The following PDCD4 variants were observed in gnomAD, a reference collection of about 807,000 sequenced individuals.
PDCD4 encodes programmed cell death 4.
A neutral mutation model predicts 54.0 loss-of-function variants in PDCD4; 56 were observed. The observed-to-expected ratio is 1.04, with a 90% CI of 0.84 to 1.30. PDCD4 has a LOEUF of 1.30. Among genes scored for constraint, PDCD4 ranks in the 50% most tolerant of loss-of-function variants. The pLI, the probability that PDCD4 is intolerant of heterozygous loss-of-function variation, is 0.00. For missense variants in PDCD4, 584 were observed against 559.8 expected, an observed-to-expected ratio of 1.04 and a Z score of -0.44; for synonymous variants, 186 against 194.8, an observed-to-expected ratio of 0.95 and a Z score of 0.37.
At position 110,890,591 on chromosome 10, in the gene PDCD4, T is replaced by C. The variant is rs1269860775; in HGVS notation, c.911T>C (p.Met304Thr). Reference protein sequence around the residue: ...ALDKATVLLSMSKGGKRKDSV... With the variant: ...ALDKATVLLSTSKGGKRKDSV... ...GATAAGGCTACCGTGCTTCTGAGTA[T>C]GTCTAAAGGTGGAAAGCGTAAAGAT... is the stretch of plus-strand genomic sequence containing the variant. Residue 304 changes from methionine to threonine, a missense_variant, in exon 8 of 12, where the codon ATG (methionine) becomes ACG (threonine). Coordinates refer to ENST00000280154, the MANE Select transcript of PDCD4 (RefSeq NM_014456.5). 6.2e-7 allele frequency: 1 copy of C among 1,613,270 alleles called. No homozygotes were observed. The highest frequency in any genetic ancestry group is 8.5e-7 in the Non-Finnish European group (1 of 1,179,494).
chr10:110,891,854 C>G (rs1351227676), intron 8 of PDCD4, among the ~76,000 whole-genome samples: 1 of 151,894 alleles, frequency 6.6e-6, no homozygotes, highest in Non-Finnish European at 1.5e-5. Context: ...AGTCAAGATG[C>G]CAGGGCAATT....
chr10:110,887,554 G>T, intron 5 of PDCD4, 111 bp from the exon 6 acceptor site: 1 of 648,710 alleles, frequency 1.5e-6, no homozygotes. Flanking sequence ...TTTCCAAAGA[G>T]TGAGACGTAG....
In PDCD4 at chr10:110,889,543, A is replaced by C; in HGVS notation, c.788A>C (p.Gln263Pro). ...TTTTCCTTTTTACAGTTGGTGGGCC[A>C]GTTTATTGCTAGAGCTGTTGGAGAT... is the stretch of plus-strand genomic sequence containing the variant. ...DTPRAPQLVG[Q>P]FIARAVGDGI... Residue 263 changes from glutamine (Q) to proline (P), a missense_variant, in exon 7 of 12, where the codon CAG (glutamine) becomes CCG (proline). Physicochemically the swap from Gln to Pro is moderately conservative, Grantham distance 76. Transcript: ENST00000280154. 6.3e-7 allele frequency: 1 copy of C among 1,588,448 alleles called. No individual in the cohort carries two copies. Among genetic ancestry groups the C allele is most frequent in the Non-Finnish European group, 8.6e-7 (1 of 1,161,746 alleles).
At chr10:110,879,784 A>G (rs182886550) in intron 2 of PDCD4, among the ~76,000 whole-genome samples, 60 of 152,268 alleles carry the variant, frequency 3.9e-4, no homozygotes, top group African/African-American at 1.3e-3. Context: ...CAGGGAGACT[A>G]CTTATGAGAC....
At chr10:110,876,413 G>A (rs1044329161) in intron 2 of PDCD4, among the ~76,000 whole-genome samples, 1 of 152,118 alleles carries the variant, frequency 6.6e-6, no homozygotes, top group Non-Finnish European at 1.5e-5. Flanking sequence ...TATTCATGCT[G>A]TAAGAAAACA....
intron 4 of PDCD4, among the ~76,000 whole-genome samples, chr10:110,884,580 A>C (rs1327658048): frequency 1.3e-5 from 2 of 152,074 alleles, no homozygotes; most frequent in Non-Finnish European, 2.9e-5. Context: ...AATTTTAATT[A>C]AAACACCATT....
chr10:110,890,506 A>T, intron 7 of PDCD4, 50 bp from the exon 8 acceptor site: 1 of 1,007,294 alleles, frequency 9.9e-7, no homozygotes, highest in South Asian at 1.7e-5. Context: ...AATTTAGTAA[A>T]CTTTAGGTAT....
chr10:110,878,986 A>G (rs957830903), intron 2 of PDCD4, among the ~76,000 whole-genome samples: 2 of 152,200 alleles, frequency 1.3e-5, no homozygotes, highest in African/African-American at 4.8e-5. Context: ...TGTCCCAAAC[A>G]CACCATCCTA....
At chr10:110,893,266 TATATC>T (rs1247088370) in intron 8 of PDCD4, among the ~76,000 whole-genome samples, 6 of 152,110 alleles carry the variant, frequency 3.9e-5, no homozygotes, top group Admixed American at 3.9e-4. Flanking sequence ...ATGTAAATAT[TATATC>T]CTAAAGCATG....
intron 8 of PDCD4, among the ~76,000 whole-genome samples, chr10:110,892,470 A>G (rs1201398882): frequency 1.3e-5 from 2 of 152,220 alleles, no homozygotes; most frequent in African/African-American, 2.4e-5. Context: ...GTATAAATGT[A>G]TTTGTAATTT....
At chr10:110,895,411 G>A (rs1845816668) in intron 10 of PDCD4, among the ~76,000 whole-genome samples, 1 of 152,054 alleles carries the variant, frequency 6.6e-6, no homozygotes, top group Non-Finnish European at 1.5e-5. Flanking sequence ...ACATGATTTT[G>A]TTCTTTTTTA....
chr10:110,886,636 T>C (rs963169279), intron 5 of PDCD4, among the ~76,000 whole-genome samples: 1 of 152,178 alleles, frequency 6.6e-6, no homozygotes, highest in African/African-American at 2.4e-5. Flanking sequence ...AGACTGCCTT[T>C]ATTCCACTTT....
At chr10:110,894,247 G>C in intron 9 of PDCD4, 49 bp downstream of exon 9, 2 of 1,075,544 alleles carry the variant, frequency 1.9e-6, no homozygotes, top group Non-Finnish European at 2.9e-6. Flanking sequence ...GTTCCTTTTT[G>C]TACTGTAGCG....
intron 5 of PDCD4, among the ~76,000 whole-genome samples, chr10:110,886,200 T>C (rs1219230210): frequency 1.3e-5 from 2 of 152,206 alleles, no homozygotes; most frequent in Admixed American, 6.5e-5. Context: ...CGTTCTGTTA[T>C]AGAGGAAAAG....
chr10:110,871,952 A>G lies in PDCD4; in HGVS notation c.-129A>G, dbSNP rs867689997. 13 of 153,232 alleles carry G rather than the reference A, an allele frequency of 8.5e-5. No individual in the cohort carries two copies. The highest frequency in any genetic ancestry group is 3.1e-4 in the African/African-American group (13 of 41,478). The allele number at this position is 153,232 out of a possible 1,614,324, so 9.5% of individuals were successfully genotyped here. A position where few individuals can be genotyped will look rare whatever the true frequency, so the allele number is the denominator to read the frequency against. On this transcript the variant is annotated 5_prime_UTR_variant, in exon 1 of 12. Coordinates refer to ENST00000280154, the MANE Select transcript of PDCD4 (RefSeq NM_014456.5). ...CAGAGACTCTCCGAGGCGGCGGCAG[A>G]GACAGAAGAGCGGGGTCGGGGCCGG...
intron 8 of PDCD4, among the ~76,000 whole-genome samples, chr10:110,891,829 TTG>T (rs1845762642): frequency 6.6e-6 from 1 of 152,094 alleles, no homozygotes; most frequent in African/African-American, 2.4e-5. Flanking sequence ...ATTAGAAAAA[TTG>T]AGGTATAAAA....
chr10:110,895,708 C>G (rs1182489163), intron 10 of PDCD4, among the ~76,000 whole-genome samples: 1 of 152,180 alleles, frequency 6.6e-6, no homozygotes, highest in Non-Finnish European at 1.5e-5. Flanking sequence ...AGCGTATAAA[C>G]CTTCCCTTTT....
At chr10:110,881,817 G>A (rs1017722461) in intron 3 of PDCD4, among the ~76,000 whole-genome samples, 2 of 152,042 alleles carry the variant, frequency 1.3e-5, no homozygotes, top group Non-Finnish European at 2.9e-5. Context: ...TCACTGTTAC[G>A]AGTTTTACGT....
intron 1 of PDCD4, among the ~76,000 whole-genome samples, chr10:110,873,899 C>G (rs1010768495): frequency 6.6e-6 from 1 of 152,112 alleles, no homozygotes; most frequent in Non-Finnish European, 1.5e-5. Context: ...ACAGTTTTGT[C>G]TGACGGAATG....
Sources: allele counts gnomAD v4.1 joint callset (sites outside exome capture counted in the v4.1 genomes callset), GRCh38; gene constraint gnomAD v4.1.1; transcripts MANE v1.5; gene names NCBI Gene and HGNC (gene_info 2026-07-23, HGNC 2026-07-21).